The following SESN1 variants were observed in gnomAD, a reference collection of about 807,000 sequenced individuals.
SESN1 encodes sestrin-1.
Under a neutral mutation model 59.3 loss-of-function variants are expected in SESN1, and 30 were observed. The ratio of observed to expected loss-of-function variants is 0.51; its 90% CI spans 0.38 to 0.69. The LOEUF (loss-of-function observed/expected upper bound fraction) is 0.69. Among genes scored for constraint, SESN1 ranks in the 30% least tolerant of loss-of-function variants. The pLI, the probability that SESN1 is intolerant of heterozygous loss-of-function variation, is 0.00. For missense variants in SESN1, 566 were observed against 673.0 expected, an observed-to-expected ratio of 0.84 and a Z score of 1.76; for synonymous variants, 197 against 219.9, an observed-to-expected ratio of 0.90 and a Z score of 0.92.
rs1286224747 is a variant in SESN1, at chr6:109,046,910, G to A, written c.280-44567C>T. On this transcript the variant is annotated intron_variant, in intron 1 of 9. Coordinates refer to ENST00000436639, the MANE Select transcript of SESN1 (RefSeq NM_014454.3). Reference sequence around the variant, plus strand: ...GGCAGCTGCCCCGTCTGAGAAGTGAGGAGCCTCTCCGCCCGGCAGCCACCC... The same window carrying A: ...GGCAGCTGCCCCGTCTGAGAAGTGAAGAGCCTCTCCGCCCGGCAGCCACCC... Among the ~76,000 whole-genome samples, 5 of 125,042 alleles carry A rather than the reference G, an allele frequency of 4.0e-5. No individual in the cohort carries two copies. In the East Asian group the frequency reaches 9.4e-4, roughly 24 times the overall value. 82.0% of individuals were successfully genotyped at this position (125,042 alleles called of 152,430 possible). A position where few individuals can be genotyped will look rare whatever the true frequency, so the allele number is the denominator to read the frequency against.
At chr6:109,073,318 G>A (rs1780970556) in intron 1 of SESN1, among the ~76,000 whole-genome samples, 1 of 152,124 alleles carries the variant, frequency 6.6e-6, no homozygotes, top group South Asian at 2.1e-4. Context: ...AAAGATGGTA[G>A]GTGCTCAAAA....
At chr6:109,063,892 TA>T (rs901805750) in intron 1 of SESN1, among the ~76,000 whole-genome samples, 14 of 141,156 alleles carry the variant, frequency 9.9e-5, no homozygotes, top group Admixed American at 4.3e-4. Context: ...AGTTATCCTT[TA>T]AAAAAAAAAG....
chr6:109,019,609 A>G (rs1376444934), intron 1 of SESN1, among the ~76,000 whole-genome samples: 1 of 152,228 alleles, frequency 6.6e-6, no homozygotes, highest in Non-Finnish European at 1.5e-5. Context: ...TTAGTGACAC[A>G]CATGCCAGTA....
chr6:109,001,678 G>C (rs1779628515), intron 2 of SESN1, among the ~76,000 whole-genome samples, 190 bp from the exon 3 acceptor site: 1 of 152,056 alleles, frequency 6.6e-6, no homozygotes, highest in Non-Finnish European at 1.5e-5. Flanking sequence ...TATATAGTAG[G>C]GGATAAACAA....
At chr6:109,048,406 A>G (rs1780486491) in intron 1 of SESN1, among the ~76,000 whole-genome samples, 1 of 152,224 alleles carries the variant, frequency 6.6e-6, no homozygotes, top group Non-Finnish European at 1.5e-5. Context: ...AAAGTAGTGA[A>G]AGTATTTTTA....
At chr6:109,055,035 C>T (rs1187297102) in intron 1 of SESN1, among the ~76,000 whole-genome samples, 2 of 152,236 alleles carry the variant, frequency 1.3e-5, no homozygotes, top group African/African-American at 4.8e-5. Flanking sequence ...TGGAACCAGC[C>T]TTTTGTCCAA....
At chr6:108,996,627 A>G (rs1583262174) in intron 5 of SESN1, among the ~76,000 whole-genome samples, 1 of 152,138 alleles carries the variant, frequency 6.6e-6, no homozygotes, top group East Asian at 1.9e-4. Context: ...GATCTGCTAA[A>G]GTTGGGATTA....
intron 1 of SESN1, among the ~76,000 whole-genome samples, chr6:109,052,290 G>C (rs904010422): frequency 6.6e-6 from 1 of 151,970 alleles, no homozygotes; most frequent in Non-Finnish European, 1.5e-5. Context: ...AGAAATATTT[G>C]AGAAAATTTT....
chr6:108,984,728 T>TACA lies in SESN1; in HGVS notation c.*2813_*2815dup, dbSNP rs1365603388. ...ATCATTCATTGTTAGTGTATAGAAA[T>TACA]ACAACTGATTTTTGTGTGCTGACTT... On this transcript the variant is annotated 3_prime_UTR_variant, in exon 10 of 10. Coordinates refer to ENST00000436639, the MANE Select transcript of SESN1 (RefSeq NM_014454.3). Among the ~76,000 whole-genome samples the TACA allele has an allele frequency of 3.9e-5, 6 of 152,226 alleles. No individual in the cohort carries two copies. The highest frequency in any genetic ancestry group is 1.4e-4 in the African/African-American group (6 of 41,454).
intron 5 of SESN1, among the ~76,000 whole-genome samples, chr6:108,995,029 G>A (rs1779475307): frequency 6.6e-6 from 1 of 152,054 alleles, no homozygotes; most frequent in Admixed American, 6.6e-5. Context: ...GTAGAATATA[G>A]GGAAAATATT....
intron 7 of SESN1, 146 bp downstream of exon 7, chr6:108,992,641 C>T: frequency 3.1e-6 from 2 of 647,800 alleles, no homozygotes; most frequent in Non-Finnish European, 5.5e-6. Flanking sequence ...GAATTAGAAA[C>T]AGTCTTTCAC....
At chr6:109,024,242 T>A (rs989189325) in intron 1 of SESN1, among the ~76,000 whole-genome samples, 12 of 152,206 alleles carry the variant, frequency 7.9e-5, no homozygotes, top group Admixed American at 7.9e-4. Context: ...TACAAAATTA[T>A]AACAAGCTTC....
At chr6:109,034,261 A>G (rs1414550373) in intron 1 of SESN1, among the ~76,000 whole-genome samples, 6 of 152,180 alleles carry the variant, frequency 3.9e-5, no homozygotes, top group Admixed American at 6.5e-5. Context: ...TGAGATAAAA[A>G]TTATTAGGTA....
At chr6:109,003,785 A>G (rs1779674566) in intron 1 of SESN1, among the ~76,000 whole-genome samples, 1 of 152,210 alleles carries the variant, frequency 6.6e-6, no homozygotes, top group East Asian at 1.9e-4. Context: ...AATAGCAGCC[A>G]TTTATATACA....
intron 6 of SESN1, among the ~76,000 whole-genome samples, 171 bp downstream of exon 6, chr6:108,994,291 C>T (rs979238786): frequency 1.3e-5 from 2 of 152,052 alleles, no homozygotes; most frequent in Non-Finnish European, 2.9e-5. Flanking sequence ...TCACTTATGA[C>T]CTTTTCTTAG....
intron 1 of SESN1, among the ~76,000 whole-genome samples, chr6:109,068,566 A>T (rs1780873920): frequency 6.6e-6 from 1 of 152,192 alleles, no homozygotes; most frequent in South Asian, 2.1e-4. Context: ...ACACTTAACT[A>T]TTGGTCAAAA....
At chr6:109,021,631 G>T (rs947463814) in intron 1 of SESN1, among the ~76,000 whole-genome samples, 1 of 151,848 alleles carries the variant, frequency 6.6e-6, no homozygotes, top group Non-Finnish European at 1.5e-5. Flanking sequence ...TAGTGGAGAC[G>T]GGGTTTCACT....
chr6:109,039,619 T>C (rs1422101841), intron 1 of SESN1, among the ~76,000 whole-genome samples: 1 of 152,238 alleles, frequency 6.6e-6, no homozygotes, highest in East Asian at 1.9e-4. Context: ...CATAGTCCCA[T>C]CACTGGGATT....
At chr6:109,062,280 G>A (rs1306144553) in intron 1 of SESN1, among the ~76,000 whole-genome samples, 3 of 152,266 alleles carry the variant, frequency 2.0e-5, no homozygotes, top group Non-Finnish European at 2.9e-5. Context: ...CAGAGGCAAA[G>A]CTCTGTCCAG....
Sources: allele counts gnomAD v4.1 joint callset (sites outside exome capture counted in the v4.1 genomes callset), GRCh38; gene constraint gnomAD v4.1.1; transcripts MANE v1.5; gene names NCBI Gene and HGNC (gene_info 2026-07-23, HGNC 2026-07-21).